The following HHLA1 variants were observed in gnomAD, a reference collection of about 807,000 sequenced individuals.
The protein encoded by HHLA1 is HERV-H LTR-associating protein 1.
Under a neutral mutation model 69.9 loss-of-function variants are expected in HHLA1, and 72 were observed. The ratio of observed to expected loss-of-function variants is 1.03; its 90% confidence interval spans 0.85 to 1.25. HHLA1 has a LOEUF of 1.25. Ranked by LOEUF, HHLA1 falls within the 50% of genes most tolerant of loss-of-function variation. The pLI is 0.00. For missense variants in HHLA1, 685 were observed against 642.2 expected (o/e 1.07, Z -0.72); for synonymous variants, 252 against 233.2 (o/e 1.08, Z -0.73).
rs145155340 is a variant in HHLA1, at chr8:132,098,954, C to A, written c.208G>T (p.Ala70Ser). 130 of 1,548,862 alleles carry A rather than the reference C, an allele frequency of 8.4e-5. No homozygotes were observed. Among genetic ancestry groups the A allele is most frequent in the Non-Finnish European group, 1.0e-4 (120 of 1,145,228 alleles). The change falls in exon 5 of 17, where the codon GCA becomes TCA. Residue 70 changes from alanine to serine, a missense_variant. Physicochemically the swap from Ala to Ser is moderately conservative, Grantham distance 99. Coordinates refer to ENST00000414222, the MANE Select transcript of HHLA1 (RefSeq NM_001145095.3). ...AGCGCGGACAGATCGATTGACCTTG[C>A]GGGCAGCTCTGAAAGAGATTCAGAG... ...VAFLATTELPARSIDLSALNL... is the reference protein window; with the variant it reads ...VAFLATTELPSRSIDLSALNL...
chr8:132,102,766 C>G (rs1022567053), intron 3 of HHLA1, among the ~76,000 whole-genome samples: 56 of 149,806 alleles, frequency 3.7e-4, no homozygotes, highest in African/African-American at 1.3e-3. Flanking sequence ...ATGGTGGGCC[C>G]TGTGTCATCT....
intron 11 of HHLA1, 142 bp from the exon 12 acceptor site, chr8:132,078,113 T>G: frequency 1.1e-6 from 1 of 884,100 alleles, no homozygotes; most frequent in East Asian, 2.7e-5. Context: ...GGGCTTAAAC[T>G]TTACTCTGAA....
At chr8:132,074,151 A>G (rs1563741204) in intron 14 of HHLA1, among the ~76,000 whole-genome samples, 1 of 152,218 alleles carries the variant, frequency 6.6e-6, no homozygotes, top group Non-Finnish European at 1.5e-5. Flanking sequence ...CTTTTAAGGT[A>G]TAGTGCCTTT....
intron 7 of HHLA1, among the ~76,000 whole-genome samples, chr8:132,094,193 G>C (rs201641062): frequency 2.3e-3 from 8 of 3,480 alleles, no homozygotes; most frequent in East Asian, 0.019. Context: ...TGGTGGAAGG[G>C]TTAATATTAG....
rs116769266 is a variant in HHLA1 at position 132,102,569 on chromosome 8, G to A, written c.139+1539C>T. Among the ~76,000 whole-genome samples, 431 of 152,300 alleles carry A rather than the reference G, an allele frequency of 2.8e-3. 4 individuals are homozygous for A. The highest frequency in any genetic ancestry group is 9.5e-3 in the African/African-American group (395 of 41,564). ...GGCACCCGTGTGGCACTTTACCTGCGCAGTCTACTCTGCACCAGCTGCTAT... is the reference window on the plus strand; with the variant it reads ...GGCACCCGTGTGGCACTTTACCTGCACAGTCTACTCTGCACCAGCTGCTAT... On this transcript the variant is annotated intron_variant, in intron 3 of 16. Transcript: ENST00000414222.
intron 3 of HHLA1, among the ~76,000 whole-genome samples, chr8:132,102,076 T>G (rs1381809716): frequency 3.3e-5 from 5 of 152,226 alleles, no homozygotes; most frequent in Non-Finnish European, 1.5e-5. Flanking sequence ...AGATACCTCA[T>G]GAAAGTGGTA....
chr8:132,098,258 C>T (rs1824053831), intron 5 of HHLA1, among the ~76,000 whole-genome samples: 1 of 152,082 alleles, frequency 6.6e-6, no homozygotes, highest in African/African-American at 2.4e-5. Flanking sequence ...CGCTAAAGAA[C>T]ACAGAAAGAA....
At chr8:132,078,790 T>A (rs2130882803) in intron 11 of HHLA1, among the ~76,000 whole-genome samples, 1 of 152,280 alleles carries the variant, frequency 6.6e-6, no homozygotes, top group South Asian at 2.1e-4. Context: ...GAAGGAAATA[T>A]GTTTTGATGA....
At chr8:132,089,733 T>G (rs541723565) in intron 7 of HHLA1, 134 bp from the exon 8 acceptor site, 1 of 624,410 alleles carries the variant, frequency 1.6e-6, no homozygotes, top group South Asian at 1.9e-5. Context: ...TCAACAATGA[T>G]ACAGAGAAAT....
intron 14 of HHLA1, among the ~76,000 whole-genome samples, chr8:132,073,490 T>C (rs1342175676): frequency 1.3e-5 from 2 of 152,218 alleles, no homozygotes; most frequent in East Asian, 3.8e-4. Flanking sequence ...TTTGCATACA[T>C]TATTTTATCT....
intron 1 of HHLA1, among the ~76,000 whole-genome samples, chr8:132,107,373 T>TC (rs1176031754): frequency 6.6e-6 from 1 of 152,158 alleles, no homozygotes; most frequent in African/African-American, 2.4e-5. Flanking sequence ...CGATGTCAGC[T>TC]CACTGCAACC....
In HHLA1 at chr8:132,065,874, C is replaced by T. The variant is rs775580211; in HGVS notation, c.1552+12G>A. On this transcript the variant is annotated intron_variant, in intron 16 of 16. Coordinates refer to ENST00000414222, the MANE Select transcript of HHLA1 (RefSeq NM_001145095.3). Reference sequence around the variant, plus strand: ...ACTGCAAAGTTACAACATAGTCAAGCTGTGTACTTACTGTGCGAGTGGGAC... The same window carrying T: ...ACTGCAAAGTTACAACATAGTCAAGTTGTGTACTTACTGTGCGAGTGGGAC... 1 of 1,260,782 alleles carries T rather than the reference C, an allele frequency of 7.9e-7. No homozygotes were observed. Among genetic ancestry groups the T allele is most frequent in the South Asian group, 1.2e-5 (1 of 80,102 alleles). 78.1% of individuals were successfully genotyped at this position (1,260,782 alleles called of 1,614,324 possible). A position where few individuals can be genotyped will look rare whatever the true frequency, so the allele number is the denominator to read the frequency against.
Position 132,075,537 on chromosome 8 carries a change from A to G in HHLA1, c.1315+518T>C, listed in dbSNP as rs559571659. Among the ~76,000 whole-genome samples the G allele has an allele frequency of 2.6e-5, 4 of 152,338 alleles. No homozygotes were observed. The East Asian group carries it at 7.7e-4, about 29-fold the overall frequency. ...CTAGATCCATGAGAATTAACTGTGC[A>G]GGGATGGAAAGGGTAGGTATCCCTT... is the stretch of plus-strand genomic sequence containing the variant. On this transcript the variant is annotated intron_variant, in intron 14 of 16. Coordinates refer to ENST00000414222, the MANE Select transcript of HHLA1 (RefSeq NM_001145095.3).
chr8:132,069,286 C>T (rs936681202), intron 15 of HHLA1, among the ~76,000 whole-genome samples: 5 of 152,154 alleles, frequency 3.3e-5, no homozygotes, highest in Admixed American at 2.0e-4. Context: ...GCATGTTATT[C>T]AGGTCTGCTA....
chr8:132,094,346 CCTT>C (rs1209770906), intron 7 of HHLA1, among the ~76,000 whole-genome samples: 2 of 152,184 alleles, frequency 1.3e-5, no homozygotes, highest in Non-Finnish European at 1.5e-5. Flanking sequence ...ACAATGGCTT[CCTT>C]CTTATTCCGG....
chr8:132,089,623 T>A, intron 7 of HHLA1, 24 bp from the exon 8 acceptor site: 1 of 1,125,294 alleles, frequency 8.9e-7, no homozygotes, highest in South Asian at 1.3e-5. Flanking sequence ...TTAGGAGGTT[T>A]AAATTTCTGC....
chr8:132,069,964 A>G (rs1586723374), intron 15 of HHLA1: 2 of 141,524 alleles, frequency 1.4e-5, no homozygotes, highest in East Asian at 3.8e-4. Flanking sequence ...TTGGGTCTAC[A>G]GGTCTTGCTT....
chr8:132,085,603 A>T lies in HHLA1; in HGVS notation c.676+2050T>A, dbSNP rs564587573. The T allele has an allele frequency of 9.8e-4, 172 of 175,584 alleles. No homozygotes were observed. The East Asian group carries it at 0.028, about 28-fold the overall frequency. The allele number at this position is 175,584 out of a possible 1,614,324, so 10.9% of individuals were successfully genotyped here. A position where few individuals can be genotyped will look rare whatever the true frequency, so the allele number is the denominator to read the frequency against. ...CCAAACAGGCTTTGTGTGAGCAATA[A>T]AGCTGTTTATTTCACCTGGGTGCAG... On this transcript the variant is annotated intron_variant, in intron 10 of 16. Transcript: ENST00000414222.
rs1391523929 is a variant in HHLA1 at position 132,063,135 on chromosome 8, G to A, written c.*860C>T. 6.6e-6 allele frequency: 1 copy of A among 152,268 alleles called. No individual in the cohort carries two copies. The highest frequency in any genetic ancestry group is 2.4e-5 in the African/African-American group (1 of 41,450). 9.4% of individuals were successfully genotyped at this position (152,268 alleles called of 1,614,324 possible). ...GTGTTGTTAAACATTATTTCTGGGA[G>A]GATTAGATGCTGACTGTGCAACCCC... On this transcript the variant is annotated 3_prime_UTR_variant, in exon 17 of 17. Transcript: ENST00000414222.
Sources: allele counts gnomAD v4.1 joint callset (sites outside exome capture counted in the v4.1 genomes callset), GRCh38; gene constraint gnomAD v4.1.1; transcripts MANE v1.5; gene names NCBI Gene and HGNC (gene_info 2026-07-23, HGNC 2026-07-21).